Variants in SPATA21 observed in about 807,000 individuals in gnomAD.
SPATA21 encodes spermatogenesis associated 21, also known as spermatogenesis-associated protein 21.
SPATA21 carries 47 observed loss-of-function variants against 54.8 expected under a neutral mutation model. The observed-to-expected ratio is 0.86, with a 90% CI of 0.68 to 1.09. The LOEUF (loss-of-function observed/expected upper bound fraction) is 1.09, where lower values mean the gene tolerates loss of function less well. SPATA21 is among the 50% of genes least tolerant of loss of function. SPATA21 has a pLI of 0.00. For synonymous variants in SPATA21, 245 were observed against 235.3 expected, an observed-to-expected ratio of 1.04 and a Z score of -0.38; for missense variants, 599 against 596.4, an observed-to-expected ratio of 1.00 and a Z score of -0.05.
chr1:16,405,297 T>C (rs1401976289), intron 7 of SPATA21, among the ~76,000 whole-genome samples, 193 bp from the exon 8 acceptor site: 5 of 149,790 alleles, frequency 3.3e-5, no homozygotes, highest in African/African-American at 9.9e-5. Flanking sequence ...AGGCCAGGAG[T>C]TCAAGACCAG....
chr1:16,401,421 G>C (rs1316134474), intron 10 of SPATA21, among the ~76,000 whole-genome samples: 1 of 152,022 alleles, frequency 6.6e-6, no homozygotes, highest in Non-Finnish European at 1.5e-5. Context: ...CTAGCCTCTT[G>C]AGTAGTTGGG....
intron 10 of SPATA21, among the ~76,000 whole-genome samples, 154 bp downstream of exon 10, chr1:16,403,573 C>G (rs549783343): frequency 6.6e-6 from 1 of 151,076 alleles, no homozygotes; most frequent in African/African-American, 2.4e-5. Flanking sequence ...ACTGCAACCT[C>G]CACCTCCTGG....
chr1:16,425,284 C>T (rs2086291148), intron 3 of SPATA21: 1 of 647,856 alleles, frequency 1.5e-6, no homozygotes, highest in Non-Finnish European at 2.8e-6. Flanking sequence ...GAGTGCTTGA[C>T]ATCTTCAGGG....
intron 7 of SPATA21, 40 bp from the exon 8 acceptor site, chr1:16,405,144 T>G (rs2085590217): frequency 6.3e-7 from 1 of 1,575,904 alleles, no homozygotes; most frequent in Admixed American, 1.9e-5. Flanking sequence ...GGGGCATTTC[T>G]TGTTTCTGTC....
At chr1:16,398,606 C>T (rs938775473), downstream of SPATA21, 20 of 761,426 alleles carry the variant, frequency 2.6e-5, no homozygotes, top group African/African-American at 3.1e-4. Context: ...GGCTGGGTGA[C>T]AACTTGAGGG....
At chr1:16,402,799 G>A (rs1159515126) in intron 10 of SPATA21, among the ~76,000 whole-genome samples, 4 of 152,066 alleles carry the variant, frequency 2.6e-5, no homozygotes, top group Admixed American at 6.5e-5. Context: ...GGTGGCACGC[G>A]CCTGTAATCC....
At chr1:16,406,431 A>G (rs1466485961) in intron 7 of SPATA21, among the ~76,000 whole-genome samples, 1 of 152,176 alleles carries the variant, frequency 6.6e-6, no homozygotes, top group Non-Finnish European at 1.5e-5. Flanking sequence ...ATCCAATCCA[A>G]CTGGAGTCCT....
Position 16,409,942 on chromosome 1 carries a change from C to G in SPATA21, c.246G>C (p.Arg82=), listed in dbSNP as rs2085784003. The G allele has an allele frequency of 3.1e-6, 5 of 1,613,770 alleles. No individual in the cohort carries two copies. Among genetic ancestry groups the G allele is most frequent in the Non-Finnish European group, 4.2e-6 (5 of 1,179,862 alleles). ...CCAGCAAGCACTTCATGAAGCCCTG[C>G]CGGAAGTTCCCGAGGCTCTGTGTCC... ...AAGTQSLGNF[R]QGFMKCLLEV... Residue 82 remains arginine, a synonymous_variant, in exon 6 of 13, where the codon CGG becomes CGC. Coordinates refer to ENST00000335496, the MANE Select transcript of SPATA21 (RefSeq NM_198546.1). The surrounding 1 kb of genome is among the most constrained non-coding windows in gnomAD (Gnocchi z 4.1).
At chr1:16,427,703 GA>G (rs2086357905) in intron 3 of SPATA21, among the ~76,000 whole-genome samples, 1 of 152,064 alleles carries the variant, frequency 6.6e-6, no homozygotes, top group Admixed American at 6.6e-5. Flanking sequence ...AGGTTAACAT[GA>G]ACTCTTTAGT....
chr1:16,410,175 A>G, intron 5 of SPATA21, 132 bp from the exon 6 acceptor site: 1 of 711,464 alleles, frequency 1.4e-6, no homozygotes, highest in African/African-American at 1.8e-5. Context: ...GATGTACCCC[A>G]AATCTCACAT....
In SPATA21 at chr1:16,404,029, AC is replaced by A. The variant is rs1341002261; in HGVS notation, c.821del (p.Arg274LeufsTer10). The stretch of plus-strand genomic sequence containing the variant: ...CAGCCAAGAAGTCTTTGAAGTCCAC[AC>A]GACCATCTCCTGTGGAGGCCAGAGG... ...LMSADVNGDGRVDFKDFLAVM... is the reference protein window; with the variant it reads ...LMSADVNGDGXVDFKDFLAVM... On this transcript the variant is annotated frameshift_variant, in exon 9 of 13. Coordinates refer to ENST00000335496, the MANE Select transcript of SPATA21 (RefSeq NM_198546.1). LOFTEE classifies it high-confidence loss of function. 6.4e-7 allele frequency: 1 copy of A among 1,555,078 alleles called. No individual in the cohort carries two copies. The highest frequency in any genetic ancestry group is 2.0e-5 in the Admixed American group (1 of 51,134).
At chr1:16,406,486 C>T (rs191657045) in intron 7 of SPATA21, among the ~76,000 whole-genome samples, 325 of 152,308 alleles carry the variant, frequency 2.1e-3, no homozygotes, top group Admixed American at 4.3e-3. Flanking sequence ...CTTACACCAT[C>T]TACCCAGCAC....
intron 2 of SPATA21, among the ~76,000 whole-genome samples, chr1:16,432,301 T>C (rs2086480293): frequency 6.6e-6 from 1 of 151,936 alleles, no homozygotes; most frequent in African/African-American, 2.4e-5. Flanking sequence ...TTTGTATTTT[T>C]AGTAGAGATG....
Position 16,409,078 on chromosome 1 carries a change from C to T in SPATA21, c.673+40G>A. 1.2e-6 allele frequency: 2 copies of T among 1,608,580 alleles called. No homozygotes were observed. The highest frequency in any genetic ancestry group is 1.7e-6 in the Non-Finnish European group (2 of 1,175,224). On this transcript the variant is annotated intron_variant, in intron 7 of 12. Transcript: ENST00000335496. The surrounding 1 kb of genome is among the most constrained non-coding windows in gnomAD (Gnocchi z 4.1). ...CTATAAACCCCCAAGGACCAAGGGTCCTGCCTGTGCTGGGACCTCCCTGAC... is the reference window on the plus strand; with the variant it reads ...CTATAAACCCCCAAGGACCAAGGGTTCTGCCTGTGCTGGGACCTCCCTGAC...
intron 5 of SPATA21, 52 bp from the exon 6 acceptor site, chr1:16,410,095 A>G (rs746463456): frequency 1.4e-6 from 2 of 1,411,088 alleles, no homozygotes; most frequent in East Asian, 4.7e-5. Flanking sequence ...AGAGTGTCCC[A>G]CAAATCTCCT....
Position 16,409,043 on chromosome 1 carries a change from C to T in SPATA21, c.673+75G>A, listed in dbSNP as rs755606850. Reference sequence around the variant, plus strand: ...ATGTGATCTGGAAAGCACCCCAGTCCGCCCTGCGCCTATAAACCCCCAAGG... The same window carrying T: ...ATGTGATCTGGAAAGCACCCCAGTCTGCCCTGCGCCTATAAACCCCCAAGG... On this transcript the variant is annotated intron_variant, in intron 7 of 12. Transcript: ENST00000335496. The surrounding 1 kb of genome is among the most constrained non-coding windows in gnomAD (Gnocchi z 4.1). The T allele has an allele frequency of 6.7e-4, 1,015 of 1,506,010 alleles. 3 individuals carry two copies. Among genetic ancestry groups the T allele is most frequent in the Non-Finnish European group, 6.5e-4 (711 of 1,085,942 alleles). The allele number at this position is 1,506,010 out of a possible 1,614,324, so 93.3% of individuals were successfully genotyped here.
chr1:16,400,213 C>T (rs1343197505), intron 11 of SPATA21, among the ~76,000 whole-genome samples: 1 of 152,034 alleles, frequency 6.6e-6, no homozygotes, highest in Non-Finnish European at 1.5e-5. Flanking sequence ...GATGGGGTTT[C>T]ACCATGTTGG....
intron 12 of SPATA21, 135 bp from the exon 13 acceptor site, chr1:16,398,957 G>A: frequency 1.1e-6 from 1 of 941,890 alleles, no homozygotes; most frequent in Non-Finnish European, 1.6e-6. Context: ...ACCAGCAGTT[G>A]TGCTTAGGGG....
At chr1:16,411,529 G>A (rs922047396) in intron 5 of SPATA21, among the ~76,000 whole-genome samples, 9 of 152,210 alleles carry the variant, frequency 5.9e-5, no homozygotes, top group African/African-American at 1.4e-4. Context: ...GGTGGCTCAC[G>A]CCTGTAATCC....
Sources: allele counts gnomAD v4.1 joint callset (sites outside exome capture counted in the v4.1 genomes callset), GRCh38; gene constraint gnomAD v4.1.1; non-coding constraint Gnocchi (gnomAD v3.1); transcripts MANE v1.5; gene names NCBI Gene and HGNC (gene_info 2026-07-23, HGNC 2026-07-21).